Variants in DBNDD1 observed in about 807,000 individuals in gnomAD.
DBNDD1 encodes dysbindin domain containing 1.
Under a neutral mutation model 17.0 loss-of-function variants are expected in DBNDD1, and 14 were observed. The ratio of observed to expected loss-of-function variants is 0.82; its 90% CI spans 0.54 to 1.29. The LOEUF (loss-of-function observed/expected upper bound fraction) is 1.29. Among genes scored for constraint, DBNDD1 ranks in the 50% most tolerant of loss-of-function variants. The pLI is 0.00. For synonymous variants in DBNDD1, 105 were observed against 102.0 expected (o/e 1.03, Z -0.18); for missense variants, 221 against 216.2 (o/e 1.02, Z -0.14).
rs2035401714 is a variant in DBNDD1, at chr16:90,005,301, T to C, written c.*1034A>G. Reference sequence around the variant, plus strand: ...ACACTTTGATATTAAACTCATTCTTTGACTTGCTGTCAGGCAAGAAGCCCA... The same window carrying C: ...ACACTTTGATATTAAACTCATTCTTCGACTTGCTGTCAGGCAAGAAGCCCA... On this transcript the variant is annotated 3_prime_UTR_variant, in exon 4 of 4. Transcript: ENST00000002501. The C allele has an allele frequency of 6.6e-6, 1 of 152,276 alleles. No individual in the cohort carries two copies. The highest frequency in any genetic ancestry group is 1.5e-5 in the Non-Finnish European group (1 of 68,070). 9.4% of individuals were successfully genotyped at this position (152,276 alleles called of 1,614,324 possible). A position where few individuals can be genotyped will look rare whatever the true frequency, so the allele number is the denominator to read the frequency against.
At chr16:90,010,048 GTTTA>G (rs769314604) in intron 1 of DBNDD1, 12 of 1,613,826 alleles carry the variant, frequency 7.4e-6, no homozygotes, top group African/African-American at 5.3e-5. Context: ...TTTCTCCCAT[GTTTA>G]TTTATTTTTT....
At chr16:90,009,491 G>T (rs1232518476) in intron 1 of DBNDD1, 61 bp from the exon 2 acceptor site, 2 of 1,593,770 alleles carry the variant, frequency 1.3e-6, no homozygotes, top group East Asian at 2.2e-5. Context: ...CCCCCAGGAC[G>T]CGGGGCTGGG....
rs1204985370 is a variant in DBNDD1 at position 90,006,506 on chromosome 16, G to A, written c.320-14C>T. The A allele has an allele frequency of 1.3e-6, 2 of 1,593,792 alleles. No homozygotes were observed. The highest frequency in any genetic ancestry group is 1.7e-6 in the Non-Finnish European group (2 of 1,176,928). On this transcript the variant is annotated splice_polypyrimidine_tract_variant and intron_variant, in intron 3 of 3. Transcript: ENST00000002501. The stretch of plus-strand genomic sequence containing the variant: ...GCGGGTGCAGACCTAGGGGCATGCG[G>A]GAAGGGGAACTCGGTGTGGCTGAGA...
Position 90,010,186 on chromosome 16 carries a change from C to T in DBNDD1, c.32-756G>A, listed in dbSNP as rs976820836. The T allele has an allele frequency of 8.5e-6, 6 of 706,878 alleles. No individual in the cohort carries two copies. In the African/African-American group the frequency reaches 1.1e-4, roughly 13 times the overall value. 43.8% of individuals were successfully genotyped at this position (706,878 alleles called of 1,614,324 possible). ...TCATCCCCCTGAGTAGATGGGATTA[C>T]AGGCATGCACCAGCACGCCCGGCTA... is the stretch of plus-strand genomic sequence containing the variant. On this transcript the variant is annotated intron_variant, in intron 1 of 3. Transcript: ENST00000002501.
At chr16:90,014,971 C>G (rs1419384196) in intron 1 of DBNDD1, among the ~76,000 whole-genome samples, 1 of 150,714 alleles carries the variant, frequency 6.6e-6, no homozygotes, top group South Asian at 2.1e-4. Flanking sequence ...TGCCACTGCA[C>G]TCCAGCCTGG....
chr16:90,019,884 G>A, upstream of DBNDD1: 1 of 676,790 alleles, frequency 1.5e-6, no homozygotes, highest in South Asian at 1.5e-5. The surrounding 1 kb of genome is among the most constrained non-coding windows in gnomAD (Gnocchi z 6.1). Context: ...CCTGGATGGC[G>A]CGAATTAACG....
Position 90,006,193 on chromosome 16 carries a change from G to C in DBNDD1, c.*142C>G. On this transcript the variant is annotated 3_prime_UTR_variant, in exon 4 of 4. Transcript: ENST00000002501. ...CAAGGCCGGTCTCGGGGCTGGCAGA[G>C]AGCTGCCCCCAGGGTGTGTGTCAGG... The C allele has an allele frequency of 1.7e-6, 2 of 1,196,762 alleles. No homozygotes were observed. The highest frequency in any genetic ancestry group is 2.3e-6 in the Non-Finnish European group (2 of 875,228). The allele number at this position is 1,196,762 out of a possible 1,614,324, so 74.1% of individuals were successfully genotyped here.
Position 90,019,007 on chromosome 16 carries a change from C to T in DBNDD1, c.31+304G>A, listed in dbSNP as rs1040859878. On this transcript the variant is annotated intron_variant, in intron 1 of 3. Transcript: ENST00000002501. This position sits in a 1 kb window ranked among gnomAD's most constrained non-coding sequence, Gnocchi z 6.1. ...CCCCCTCCCCCGCTCCCCGGGTCACCGGCTGGCTTGGCTGGGAGGGGGCTC... is the reference window on the plus strand; with the variant it reads ...CCCCCTCCCCCGCTCCCCGGGTCACTGGCTGGCTTGGCTGGGAGGGGGCTC... Among the ~76,000 whole-genome samples the T allele has an allele frequency of 3.9e-5, 6 of 152,286 alleles. No individual in the cohort carries two copies. Among genetic ancestry groups the T allele is most frequent in the Middle Eastern group, 6.8e-3 (2 of 294 alleles).
Position 90,017,834 on chromosome 16 carries a change from C to G in DBNDD1, c.31+1477G>C, listed in dbSNP as rs778072728. 4.7e-4 allele frequency among the ~76,000 whole-genome samples: 72 copies of G among 152,228 alleles called. 1 individual carries two copies. The highest frequency in any genetic ancestry group is 8.5e-4 in the Non-Finnish European group (58 of 68,046). ...CAGAGGACAGGGCCCTGTCTTCCCA[C>G]TAACTCCCCACCCCAGGCAGGGTAC... is the stretch of plus-strand genomic sequence containing the variant. On this transcript the variant is annotated intron_variant, in intron 1 of 3. Transcript: ENST00000002501.
At chr16:90,007,188 A>C (rs2035443507) in intron 3 of DBNDD1, 1 of 152,426 alleles carries the variant, frequency 6.6e-6, no homozygotes, top group Non-Finnish European at 1.5e-5. Flanking sequence ...ATGAGGCCCC[A>C]TTCCCTCCCA....
At chr16:90,010,197 C>T (rs922740997) in intron 1 of DBNDD1, 14 of 643,178 alleles carry the variant, frequency 2.2e-5, no homozygotes, top group Non-Finnish European at 3.7e-5. Context: ...AGGCATGCAC[C>T]AGCACGCCCG....
At chr16:90,017,920 C>T (rs1320084837) in intron 1 of DBNDD1, among the ~76,000 whole-genome samples, 1 of 152,312 alleles carries the variant, frequency 6.6e-6, no homozygotes, top group East Asian at 1.9e-4. Flanking sequence ...GTGTCTGAAG[C>T]CCCCAGCCAG....
chr16:90,009,134 C>T (rs2035500602), intron 2 of DBNDD1, 150 bp downstream of exon 2: 5 of 1,300,468 alleles, frequency 3.8e-6, no homozygotes, highest in Non-Finnish European at 5.2e-6. Context: ...AGCTGAGGCT[C>T]AGAGAACCAG....
chr16:90,019,391 C>T lies in DBNDD1; in HGVS notation c.-50G>A. On this transcript the variant is annotated 5_prime_UTR_variant, in exon 1 of 4. Coordinates refer to ENST00000002501, the MANE Select transcript of DBNDD1 (RefSeq NM_001042610.3). The surrounding 1 kb of genome is among the most constrained non-coding windows in gnomAD (Gnocchi z 6.1). ...CACGGGCGACGGCGGCGTCGCCTGG[C>T]CCGGGCGCCCCAACAGCTGCGGCAG... The T allele has an allele frequency of 1.7e-6, 2 of 1,169,824 alleles. No individual in the cohort carries two copies. The highest frequency in any genetic ancestry group is 2.1e-6 in the Non-Finnish European group (2 of 941,440). 72.5% of individuals were successfully genotyped at this position (1,169,824 alleles called of 1,614,324 possible).
intron 1 of DBNDD1, among the ~76,000 whole-genome samples, chr16:90,015,317 A>T (rs1340715549): frequency 1.3e-5 from 2 of 152,214 alleles, no homozygotes; most frequent in Admixed American, 6.5e-5. Context: ...GGCACGATGG[A>T]TCTTGGCATG....
At position 90,019,191 on chromosome 16, in the gene DBNDD1, G is replaced by A. The variant is rs953088237; in HGVS notation, c.31+120C>T. 1.8e-5 allele frequency: 8 copies of A among 433,062 alleles called. No individual in the cohort carries two copies. Among genetic ancestry groups the A allele is most frequent in the Non-Finnish European group, 2.6e-5 (7 of 270,964 alleles). 26.8% of individuals were successfully genotyped at this position (433,062 alleles called of 1,614,324 possible). The stretch of plus-strand genomic sequence containing the variant: ...CCCCTGGCCCGCCGGACGACCCCGA[G>A]CTGCCAAAGGGGTCTTCGCGACTCC... On this transcript the variant is annotated intron_variant, in intron 1 of 3. Transcript: ENST00000002501. The surrounding 1 kb of genome is among the most constrained non-coding windows in gnomAD (Gnocchi z 6.1).
At position 90,006,381 on chromosome 16, in the gene DBNDD1, G is replaced by A. The variant is rs375465123; in HGVS notation, c.431C>T (p.Thr144Ile). Residue 144 changes from threonine (T) to isoleucine (I), a missense_variant, in exon 4 of 4, where the codon ACA (threonine) becomes ATA (isoleucine). Physicochemically the swap from Thr to Ile is moderately conservative, Grantham distance 89. Transcript: ENST00000002501. ...CACAGTGAGAAACGTGTCCAGGACT[G>A]TGGCCTGCCGCTCGGGGTCGCCTAG... ...QPLGDPERQA[T>I]VLDTFLTVER... is the part of the protein sequence containing the mutation. The A allele has an allele frequency of 6.8e-6, 11 of 1,608,488 alleles. No individual in the cohort carries two copies. The African/African-American group carries it at 1.3e-4, about 20-fold the overall frequency.
chr16:90,010,567 G>C lies in DBNDD1; in HGVS notation c.32-1137C>G, dbSNP rs146492155. Among the ~76,000 whole-genome samples, 672 of 140,910 alleles carry C rather than the reference G, an allele frequency of 4.8e-3. 8 individuals are homozygous for C. Among genetic ancestry groups the C allele is most frequent in the African/African-American group, 0.017 (634 of 37,490 alleles). The allele number at this position is 140,910 out of a possible 152,430, so 92.4% of individuals were successfully genotyped here. A position where few individuals can be genotyped will look rare whatever the true frequency, so the allele number is the denominator to read the frequency against. ...TTTTTTTTTTTGTATTTTTACTCGT[G>C]ATCCACCCGCCTTGGCCTCCCAAAG... On this transcript the variant is annotated intron_variant, in intron 1 of 3. Coordinates refer to ENST00000002501, the MANE Select transcript of DBNDD1 (RefSeq NM_001042610.3).
intron 1 of DBNDD1, among the ~76,000 whole-genome samples, chr16:90,016,177 C>G (rs2035638634): frequency 6.6e-6 from 1 of 151,796 alleles, no homozygotes; most frequent in South Asian, 2.1e-4. Context: ...GAAGCATCAG[C>G]TCTAAGCGGC....
Sources: gnomAD v4.1 joint callset for allele counts (sites outside exome capture counted in the v4.1 genomes callset) on GRCh38, gnomAD v4.1.1 for gene constraint, Gnocchi (gnomAD v3.1) non-coding constraint, MANE v1.5 for transcripts, NCBI Gene and HGNC (gene_info 2026-07-23, HGNC 2026-07-21) for gene names.